SDC3: variants seen among roughly 807,000 people sequenced by gnomAD.
SDC3 encodes syndecan-3.
SDC3 carries 13 observed loss-of-function variants against 24.4 expected under a neutral mutation model. The observed-to-expected ratio is 0.53, with a 90% CI of 0.35 to 0.85. SDC3 has a LOEUF of 0.85. Ranked by LOEUF, SDC3 falls within the 40% of genes least tolerant of loss-of-function variation. SDC3 has a pLI of 0.01. For missense variants in SDC3, 571 were observed against 584.5 expected (o/e 0.98, Z 0.24); for synonymous variants, 295 against 260.9 (o/e 1.13, Z -1.26).
chr1:30,894,086 G>A (rs1446889964), intron 1 of SDC3, among the ~76,000 whole-genome samples: 1 of 152,048 alleles, frequency 6.6e-6, no homozygotes, highest in East Asian at 1.9e-4. Context: ...TCAGGATTAA[G>A]GACAGACATA....
rs777993332 is a variant in SDC3 at position 30,876,955 on chromosome 1, G to C, written c.467C>G (p.Ala156Gly). ...TEVPEEPSQR[A>G]TTVSTTMATT... ...AGCCATGGTAGTGGAGACGGTGGTG[G>C]CTCTCTGGCTGGGCTCTTCCGGGAC... The change falls in exon 3 of 5, where the codon GCC becomes GGC. Residue 156 changes from alanine (A) to glycine (G), a missense_variant. Ala to Gly is a moderately conservative substitution (Grantham distance 60). Transcript: ENST00000339394. 103 of 1,613,622 alleles carry C rather than the reference G, an allele frequency of 6.4e-5. No homozygotes were observed. In the Admixed American group the frequency reaches 1.7e-3, roughly 26 times the overall value.
intron 1 of SDC3, among the ~76,000 whole-genome samples, chr1:30,885,599 T>C (rs554909561): frequency 1.1e-3 from 166 of 152,238 alleles, no homozygotes; most frequent in Non-Finnish European, 1.9e-3. Context: ...ACGAGGAAAC[T>C]GAAAAGGGGG....
chr1:30,877,316 G>A (rs564052118), intron 2 of SDC3, 151 bp from the exon 3 acceptor site: 3 of 1,027,434 alleles, frequency 2.9e-6, no homozygotes, highest in African/African-American at 1.6e-5. Flanking sequence ...AAGGAGGAAG[G>A]CACAGCCCAG....
intron 4 of SDC3, 42 bp from the exon 5 acceptor site, chr1:30,873,419 T>C: frequency 6.4e-7 from 1 of 1,558,274 alleles, no homozygotes; most frequent in Non-Finnish European, 8.8e-7. Context: ...AGAGGCAGGG[T>C]AGAACCAGGG....
intron 1 of SDC3, among the ~76,000 whole-genome samples, chr1:30,884,016 T>C (rs887270834): frequency 6.6e-6 from 1 of 151,800 alleles, no homozygotes; most frequent in Admixed American, 6.6e-5. Context: ...GGGGCCAAGC[T>C]CCGGGCAGCA....
chr1:30,908,228 C>A (rs1638568292), intron 1 of SDC3, among the ~76,000 whole-genome samples: 1 of 146,510 alleles, frequency 6.8e-6, no homozygotes, highest in Non-Finnish European at 1.5e-5. Flanking sequence ...GGCCTCTCCC[C>A]GCGGATGCCA....
chr1:30,873,531 G>A (rs908602921), intron 4 of SDC3, among the ~76,000 whole-genome samples, 154 bp from the exon 5 acceptor site: 1 of 151,950 alleles, frequency 6.6e-6, no homozygotes, highest in Admixed American at 6.6e-5. Context: ...ACCAGCACTG[G>A]GTACCATCAT....
intron 1 of SDC3, among the ~76,000 whole-genome samples, chr1:30,897,247 A>G (rs1046071156): frequency 1.3e-5 from 2 of 152,196 alleles, no homozygotes; most frequent in Non-Finnish European, 2.9e-5. Context: ...CTTGTTGTGT[A>G]CTTTGGACAA....
At chr1:30,901,968 G>A (rs1301276625) in intron 1 of SDC3, among the ~76,000 whole-genome samples, 1 of 152,192 alleles carries the variant, frequency 6.6e-6, no homozygotes, top group East Asian at 1.9e-4. Context: ...AACTCACCAA[G>A]GTCACACAGC....
chr1:30,872,903 C>T lies in SDC3; in HGVS notation c.*308G>A. On this transcript the variant is annotated 3_prime_UTR_variant, in exon 5 of 5. Coordinates refer to ENST00000339394, the MANE Select transcript of SDC3 (RefSeq NM_014654.4). Reference sequence around the variant, plus strand: ...TCTCAAGCCCCACCCTTTCTTCCACCACCAGCCAATCAGGAGCTTTCTTCC... The same window carrying T: ...TCTCAAGCCCCACCCTTTCTTCCACTACCAGCCAATCAGGAGCTTTCTTCC... 2.7e-6 allele frequency: 1 copy of T among 375,726 alleles called. No individual in the cohort carries two copies. Among genetic ancestry groups the T allele is most frequent in the African/African-American group, 2.0e-5 (1 of 49,378 alleles). 23.3% of individuals were successfully genotyped at this position (375,726 alleles called of 1,614,324 possible). A position where few individuals can be genotyped will look rare whatever the true frequency, so the allele number is the denominator to read the frequency against.
In SDC3 at chr1:30,870,258, A is replaced by T. The variant is rs1557509820; in HGVS notation, c.*2953T>A. 1 of 209,380 alleles carries T rather than the reference A, an allele frequency of 4.8e-6. No individual in the cohort carries two copies. The highest frequency in any genetic ancestry group is 9.4e-6 in the Non-Finnish European group (1 of 106,340). The allele number at this position is 209,380 out of a possible 1,614,324, so 13.0% of individuals were successfully genotyped here. ...CATGCCTCCAGCGATCAAGGGGACC[A>T]GTCTTTCAGGCAAGGCCCCCATCTG... On this transcript the variant is annotated 3_prime_UTR_variant, in exon 5 of 5. Transcript: ENST00000339394.
intron 1 of SDC3, among the ~76,000 whole-genome samples, chr1:30,902,913 C>T (rs574170827): frequency 6.6e-6 from 1 of 152,254 alleles, no homozygotes; most frequent in African/African-American, 2.4e-5. Context: ...AGCTCACAGT[C>T]CCGGCTTCCT....
chr1:30,903,477 G>A (rs994718705), intron 1 of SDC3, among the ~76,000 whole-genome samples: 3 of 152,012 alleles, frequency 2.0e-5, no homozygotes, highest in African/African-American at 4.8e-5. Flanking sequence ...ACAGCCCTTC[G>A]CAGTTTATAA....
intron 1 of SDC3, among the ~76,000 whole-genome samples, chr1:30,895,701 C>T (rs1226250496): frequency 6.6e-6 from 1 of 152,140 alleles, no homozygotes; most frequent in Non-Finnish European, 1.5e-5. Flanking sequence ...CCTAACTACC[C>T]CCTCAGCCCT....
rs756584959 is a variant in SDC3, at chr1:30,874,505, C to T, written c.954G>A (p.Glu318=). 47 of 1,614,066 alleles carry T rather than the reference C, an allele frequency of 2.9e-5. No individual in the cohort carries two copies. Among genetic ancestry groups the T allele is most frequent in the Admixed American group, 5.0e-5 (3 of 60,012 alleles). The change falls in exon 4 of 5, where the codon GAG becomes GAA. Residue 318 remains glutamate, a synonymous_variant. Coordinates refer to ENST00000339394, the MANE Select transcript of SDC3 (RefSeq NM_014654.4). ...PVSGGPSGDF[E]LPEEETTQPD... ...GTTGTGTGGTCTCTTCTTCTGGCAG[C>T]TCGAAGTCTCCACTGGGCCCCCCAC...
At chr1:30,879,168 G>A (rs1033973638) in intron 1 of SDC3, among the ~76,000 whole-genome samples, 1 of 152,150 alleles carries the variant, frequency 6.6e-6, no homozygotes, top group African/African-American at 2.4e-5. Context: ...CTCACCCCCT[G>A]CCACTGATGG....
rs757534300 is a variant in SDC3 at position 30,877,095 on chromosome 1, G to A, written c.327C>T (p.Thr109=). 3 of 1,613,894 alleles carry A rather than the reference G, an allele frequency of 1.9e-6. No homozygotes were observed. The highest frequency in any genetic ancestry group is 1.3e-5 in the African/African-American group (1 of 74,908). The part of the protein sequence containing the change: ...FSPDVALAVS[T]TPAVLPTTNI... ...TCGTGGTGGGCAGCACCGCAGGTGT[G>A]GTGGACACCGCCAGGGCTACATCTG... is the stretch of plus-strand genomic sequence containing the variant. Residue 109 remains threonine (T), a synonymous_variant, in exon 3 of 5, where the codon ACC becomes ACT. Coordinates refer to ENST00000339394, the MANE Select transcript of SDC3 (RefSeq NM_014654.4).
intron 4 of SDC3, among the ~76,000 whole-genome samples, chr1:30,873,705 C>T (rs1639582236): frequency 6.6e-6 from 1 of 152,116 alleles, no homozygotes; most frequent in African/African-American, 2.4e-5. Flanking sequence ...AAAAGCTCTG[C>T]TAACTAAATA....
chr1:30,899,149 C>T (rs1346403710), intron 1 of SDC3, among the ~76,000 whole-genome samples: 1 of 152,176 alleles, frequency 6.6e-6, no homozygotes, highest in African/African-American at 2.4e-5. Context: ...TGCAGTGGCA[C>T]AATCTCAGTT....
Sources: gnomAD v4.1 joint callset for allele counts (sites outside exome capture counted in the v4.1 genomes callset) on GRCh38, gnomAD v4.1.1 for gene constraint, MANE v1.5 for transcripts, NCBI Gene and HGNC (gene_info 2026-07-23, HGNC 2026-07-21) for gene names.